The following CLU variants were observed in gnomAD, a reference collection of about 807,000 sequenced individuals.
The protein encoded by CLU is clusterin.
Under a neutral mutation model 46.4 loss-of-function variants are expected in CLU, and 25 were observed. That is an observed-to-expected ratio of 0.54 (90% CI 0.39 to 0.75). The LOEUF (loss-of-function observed/expected upper bound fraction) is 0.75, where lower values mean the gene tolerates loss of function less well. Among genes scored for constraint, CLU ranks in the 30% least tolerant of loss-of-function variants. CLU has a pLI of 0.00. For missense variants in CLU, 504 were observed against 592.1 expected (o/e 0.85, Z 1.54); for synonymous variants, 235 against 235.1 (o/e 1.00, Z 0.00).
At chr8:27,605,784 C>T (rs1800811463) in intron 4 of CLU, among the ~76,000 whole-genome samples, 2 of 152,112 alleles carry the variant, frequency 1.3e-5, no homozygotes, top group African/African-American at 2.4e-5. Flanking sequence ...ATCTATAATC[C>T]CAACAATTTG....
chr8:27,610,650 GT>G (rs1800908773), intron 1 of CLU, 50 bp from the exon 2 acceptor site: 1 of 1,467,702 alleles, frequency 6.8e-7, no homozygotes, highest in African/African-American at 1.4e-5. Flanking sequence ...GCCTGCTGGC[GT>G]CCCGCCCACC....
At chr8:27,598,280 T>A in intron 8 of CLU, 30 bp from the exon 9 acceptor site, 2 of 1,613,296 alleles carry the variant, frequency 1.2e-6, no homozygotes, top group Non-Finnish European at 1.7e-6. Context: ...TCCTCCAAAG[T>A]AAAACATCCT....
intron 7 of CLU, chr8:27,598,898 T>G: frequency 2.0e-6 from 1 of 488,354 alleles, no homozygotes; most frequent in Non-Finnish European, 3.6e-6. Flanking sequence ...TAAAAGTGGT[T>G]TCCAAACATT....
rs1345055764 is a variant in CLU, at chr8:27,609,974, G to A, written c.97+501C>T. On this transcript the variant is annotated intron_variant, in intron 2 of 8. Transcript: ENST00000316403. The stretch of plus-strand genomic sequence containing the variant: ...TTAATTATATCTCAATAAAATGGGG[G>A]GTGGGGGGAGTGTCATGAGATCAAG... 2.0e-5 allele frequency among the ~76,000 whole-genome samples: 3 copies of A among 152,070 alleles called. No homozygotes were observed. The East Asian group carries it at 5.8e-4, about 29-fold the overall frequency.
Position 27,599,726 on chromosome 8 carries a change from C to G in CLU, c.1164+54G>C. 1 of 1,358,658 alleles carries G rather than the reference C, an allele frequency of 7.4e-7. No individual in the cohort carries two copies. Among genetic ancestry groups the G allele is most frequent in the East Asian group, 2.5e-5 (1 of 40,740 alleles). 84.2% of individuals were successfully genotyped at this position (1,358,658 alleles called of 1,614,324 possible). A position where few individuals can be genotyped will look rare whatever the true frequency, so the allele number is the denominator to read the frequency against. On this transcript the variant is annotated intron_variant, in intron 7 of 8. Transcript: ENST00000316403. The surrounding 1 kb of genome is among the most constrained non-coding windows in gnomAD (Gnocchi z 4.0). ...AGTCAAAAGCACACATGCCCCTGCTCCCGATCACAGCTCGGGCTCCCGAGC... is the reference window on the plus strand; with the variant it reads ...AGTCAAAAGCACACATGCCCCTGCTGCCGATCACAGCTCGGGCTCCCGAGC...
Position 27,598,474 on chromosome 8 carries a change from G to A in CLU, c.1326C>T (p.Tyr442=), listed in dbSNP as rs1800655115. Reference sequence around the variant, plus strand: ...CGCCTGCTTACCGGTGCTTTTTGCGGTATTCCTGCAGCGCTTTCTCCGCCA... The same window carrying A: ...CGCCTGCTTACCGGTGCTTTTTGCGATATTCCTGCAGCGCTTTCTCCGCCA... The part of the protein sequence containing the change: ...ETVAEKALQE[Y]RKKHREE The change falls in exon 8 of 9, where the codon TAC becomes TAT. Residue 442 remains tyrosine, a synonymous_variant. Coordinates refer to ENST00000316403, the MANE Select transcript of CLU (RefSeq NM_001831.4). 1 of 1,613,934 alleles carries A rather than the reference G, an allele frequency of 6.2e-7. No homozygotes were observed. The highest frequency in any genetic ancestry group is 8.5e-7 in the Non-Finnish European group (1 of 1,180,024).
chr8:27,612,086 G>A (rs542751253), intron 1 of CLU: 2 of 323,532 alleles, frequency 6.2e-6, no homozygotes, highest in Admixed American at 4.4e-5. Flanking sequence ...ACTCAGCAGC[G>A]GGCACAGAGT....
chr8:27,598,390 G>A (rs1051222046), intron 8 of CLU, 70 bp downstream of exon 8: 1 of 1,606,264 alleles, frequency 6.2e-7, no homozygotes, highest in Non-Finnish European at 8.5e-7. Flanking sequence ...TCTGCACTTT[G>A]TTTGTTTTTT....
intron 2 of CLU, 102 bp from the exon 3 acceptor site, chr8:27,609,188 CT>C (rs1329919357): frequency 7.6e-7 from 1 of 1,308,318 alleles, no homozygotes; most frequent in African/African-American, 1.4e-5. Context: ...AGTTCAGGGG[CT>C]GTCAAGGCTG....
Position 27,599,974 on chromosome 8 carries a change from G to A in CLU, c.970C>T (p.Arg324Trp), listed in dbSNP as rs148094370. 8.1e-6 allele frequency: 13 copies of A among 1,614,058 alleles called. No individual in the cohort carries two copies. Among genetic ancestry groups the A allele is most frequent in the South Asian group, 3.3e-5 (3 of 91,092 alleles). Residue 324 changes from arginine (R) to tryptophan (W), a missense_variant, in exon 7 of 9, where the codon CGG becomes TGG. Coordinates refer to ENST00000316403, the MANE Select transcript of CLU (RefSeq NM_001831.4). This position sits in a 1 kb window ranked among gnomAD's most constrained non-coding sequence, Gnocchi z 4.0. The part of the protein sequence containing the change: ...STNNPSQAKL[R>W]RELDESLQVA... The stretch of plus-strand genomic sequence containing the variant: ...TGGAGGGATTCGTCGAGCTCCCGCC[G>A]CAGCTTAGCCTGGGAGGGGTTGTTG...
At chr8:27,602,201 A>G (rs976263523) in intron 6 of CLU, among the ~76,000 whole-genome samples, 3 of 152,182 alleles carry the variant, frequency 2.0e-5, no homozygotes, top group African/African-American at 7.2e-5. Context: ...CAAGTTCTGA[A>G]GCTGGTTGTC....
At chr8:27,600,201 T>G (rs1800695413) in intron 6 of CLU, among the ~76,000 whole-genome samples, 192 bp from the exon 7 acceptor site, 1 of 152,332 alleles carries the variant, frequency 6.6e-6, no homozygotes, top group Non-Finnish European at 1.5e-5. Context: ...TAGACACTGC[T>G]TCCGTCATCC....
Position 27,610,472 on chromosome 8 carries a change from C to T in CLU, c.97+3G>A, listed in dbSNP as rs1800903057. The T allele has an allele frequency of 1.2e-6, 2 of 1,612,560 alleles. No individual in the cohort carries two copies. Among genetic ancestry groups the T allele is most frequent in the East Asian group, 2.2e-5 (1 of 44,872 alleles). ...AGAGGAACATCATGCTTGGTCTACT[C>T]ACCCTGGAGCTCATTGTCTGAGACC... is the stretch of plus-strand genomic sequence containing the variant. On this transcript the variant is annotated splice_donor_region_variant and intron_variant, in intron 2 of 8. Transcript: ENST00000316403.
Position 27,599,781 on chromosome 8 carries a change from G to T in CLU, c.1163C>A (p.Thr388Lys), listed in dbSNP as rs375247155. 3 of 1,605,524 alleles carry T rather than the reference G, an allele frequency of 1.9e-6. No individual in the cohort carries two copies. Among genetic ancestry groups the T allele is most frequent in the African/African-American group, 2.7e-5 (2 of 74,712 alleles). Residue 388 changes from threonine to lysine, a missense_variant and splice_region_variant, in exon 7 of 9, where the codon ACG (threonine) becomes AAG (lysine). Physicochemically the swap from Thr to Lys is moderately conservative, Grantham distance 78. Coordinates refer to ENST00000316403, the MANE Select transcript of CLU (RefSeq NM_001831.4). This position sits in a 1 kb window ranked among gnomAD's most constrained non-coding sequence, Gnocchi z 4.0. ...GEDQYYLRVT[T>K]VASHTSDSDV... ...GCATGTGGCCGGGACACAGCTCACC[G>T]TGGTGACCCGCAGATAGTACTGGTC...
chr8:27,611,459 A>G, intron 1 of CLU: 1 of 455,904 alleles, frequency 2.2e-6, no homozygotes, highest in South Asian at 1.6e-5. Context: ...GGCTGCCCTG[A>G]GCCACGGGGC....
chr8:27,610,264 G>A (rs1208070830), intron 2 of CLU, among the ~76,000 whole-genome samples: 2 of 152,176 alleles, frequency 1.3e-5, no homozygotes, highest in Non-Finnish European at 2.9e-5. Context: ...GCCTGCAAAT[G>A]CCGGCAGTCT....
Position 27,606,416 on chromosome 8 carries a change from G to A in CLU, c.355C>T (p.Gln119Ter). Residue 119 changes from glutamine to a stop codon, truncating the protein, a stop_gained, in exon 4 of 9, where the codon CAG becomes TAG. Coordinates refer to ENST00000316403, the MANE Select transcript of CLU (RefSeq NM_001831.4). LOFTEE classifies it high-confidence loss of function. ...CGTGCGTAGAACTTCATGCAGGTCT[G>A]TTTCAGGCAGGGCTTACACTCTTCC... The part of the protein sequence containing the change: ...LWEECKPCLK[Q>*]TCMKFYARVC... 6.2e-7 allele frequency: 1 copy of A among 1,614,226 alleles called. No homozygotes were observed. The highest frequency in any genetic ancestry group is 8.5e-7 in the Non-Finnish European group (1 of 1,180,036).
At position 27,606,527 on chromosome 8, in the gene CLU, A is replaced by G. The variant is rs111396518; in HGVS notation, c.247-3T>C. On this transcript the variant is annotated splice_region_variant and splice_polypyrimidine_tract_variant and intron_variant, in intron 3 of 8. Transcript: ENST00000316403. ...TCCCTGGTCTCATTTAGGGCATCCT[A>G]CAGGAAGACACAAGGCTGGCTGAGC... 1.2e-6 allele frequency: 2 copies of G among 1,613,990 alleles called. No homozygotes were observed. Among genetic ancestry groups the G allele is most frequent in the Admixed American group, 1.7e-5 (1 of 60,026 alleles).
intron 6 of CLU, among the ~76,000 whole-genome samples, chr8:27,600,582 T>C (rs1440621805): frequency 6.6e-6 from 1 of 152,174 alleles, no homozygotes; most frequent in Non-Finnish European, 1.5e-5. Flanking sequence ...CTTCGTAACA[T>C]CATTGATTTA....
Sources: allele counts gnomAD v4.1 joint callset (sites outside exome capture counted in the v4.1 genomes callset), GRCh38; gene constraint gnomAD v4.1.1; non-coding constraint Gnocchi (gnomAD v3.1); transcripts MANE v1.5; gene names NCBI Gene and HGNC (gene_info 2026-07-23, HGNC 2026-07-21).